ADARB2: variants seen among roughly 807,000 people sequenced by gnomAD.
ADARB2 encodes inactive double-stranded RNA-specific editase B2.
ADARB2 carries 25 observed loss-of-function variants against 62.2 expected under a neutral mutation model. The ratio of observed to expected loss-of-function variants is 0.40; its 90% CI spans 0.29 to 0.56. The LOEUF (loss-of-function observed/expected upper bound fraction) is 0.56, where lower values mean the gene tolerates loss of function less well. Among genes scored for constraint, ADARB2 ranks in the 20% least tolerant of loss-of-function variants. ADARB2 has a pLI of 0.43. For missense variants in ADARB2, 1,071 were observed against 1,077.4 expected (o/e 0.99, Z 0.08); for synonymous variants, 572 against 500.8 (o/e 1.14, Z -1.90).
At chr10:1,417,786 G>A (rs971101718) in intron 1 of ADARB2, among the ~76,000 whole-genome samples, 6 of 152,224 alleles carry the variant, frequency 3.9e-5, no homozygotes, top group African/African-American at 1.4e-4. Flanking sequence ...CTTAGGGTGT[G>A]CCATGGCTGC....
At chr10:1,447,166 C>T (rs1399761350) in intron 1 of ADARB2, among the ~76,000 whole-genome samples, 1 of 152,140 alleles carries the variant, frequency 6.6e-6, no homozygotes, top group Admixed American at 6.5e-5. Flanking sequence ...TGGGATACTA[C>T]CTACAGCAAC....
chr10:1,347,170 C>T (rs572538975), intron 3 of ADARB2, among the ~76,000 whole-genome samples: 3 of 152,348 alleles, frequency 2.0e-5, no homozygotes, highest in African/African-American at 4.8e-5. Context: ...CAGCCCTCAA[C>T]GTGTTACTCC....
intron 1 of ADARB2, among the ~76,000 whole-genome samples, chr10:1,575,522 C>A (rs1007116679): frequency 6.6e-6 from 1 of 152,122 alleles, no homozygotes; most frequent in African/African-American, 2.4e-5. Flanking sequence ...CCAGCACTGC[C>A]GGGTCAGAGG....
chr10:1,268,336 T>C (rs1831227137), intron 4 of ADARB2, among the ~76,000 whole-genome samples: 1 of 152,122 alleles, frequency 6.6e-6, no homozygotes, highest in Non-Finnish European at 1.5e-5. Flanking sequence ...ACCATATGAC[T>C]GCATTAATTT....
intron 1 of ADARB2, among the ~76,000 whole-genome samples, chr10:1,424,287 C>T (rs915342111): frequency 3.9e-5 from 6 of 152,122 alleles, no homozygotes; most frequent in Non-Finnish European, 8.8e-5. Context: ...GAGTAAGAAG[C>T]GTTTAGGGCT....
At chr10:1,186,175 A>G (rs997309440) in intron 8 of ADARB2, among the ~76,000 whole-genome samples, 3 of 152,250 alleles carry the variant, frequency 2.0e-5, no homozygotes, top group African/African-American at 7.2e-5. Flanking sequence ...GGAAGGCATC[A>G]GAGGAATACA....
intron 1 of ADARB2, among the ~76,000 whole-genome samples, chr10:1,733,900 T>C (rs375897386): frequency 6.6e-6 from 1 of 152,096 alleles, no homozygotes; most frequent in Non-Finnish European, 1.5e-5. Context: ...CGCCTCTGAG[T>C]GAGGCAGGCG....
intron 3 of ADARB2, among the ~76,000 whole-genome samples, chr10:1,328,636 A>G (rs569943083): frequency 1.5e-4 from 23 of 152,258 alleles, no homozygotes; most frequent in Middle Eastern, 3.4e-3. Context: ...GGATTATGCC[A>G]GCGTAAAAAT....
intron 1 of ADARB2, among the ~76,000 whole-genome samples, chr10:1,525,557 T>C (rs772413447): frequency 6.6e-6 from 1 of 152,128 alleles, no homozygotes; most frequent in Non-Finnish European, 1.5e-5. Flanking sequence ...AGCCCGACGC[T>C]GGTGGTCCAC....
chr10:1,491,334 T>G (rs1054654454), intron 1 of ADARB2, among the ~76,000 whole-genome samples: 34 of 152,296 alleles, frequency 2.2e-4, no homozygotes, highest in South Asian at 8.3e-4. Context: ...CCTCCTAAAG[T>G]GCTAGGATTA....
intron 1 of ADARB2, among the ~76,000 whole-genome samples, chr10:1,720,794 G>A (rs191229206): frequency 6.6e-6 from 1 of 152,252 alleles, no homozygotes; most frequent in Non-Finnish European, 1.5e-5. Context: ...GCAAATTTGG[G>A]GGCAGCAACT....
chr10:1,262,287 TATA>T (rs55721350), intron 4 of ADARB2, among the ~76,000 whole-genome samples: 4,720 of 135,728 alleles, frequency 0.035, 221 homozygotes, highest in African/African-American at 0.068. Context: ...AAACTTAAAG[TATA>T]ATAATAATAA....
intron 1 of ADARB2, among the ~76,000 whole-genome samples, chr10:1,668,141 C>T (rs566352075): frequency 6.6e-6 from 1 of 152,194 alleles, no homozygotes; most frequent in Non-Finnish European, 1.5e-5. Context: ...TCCAGGCCCT[C>T]GCCCCACCAC....
intron 1 of ADARB2, among the ~76,000 whole-genome samples, chr10:1,663,592 CTATG>C (rs1286797339): frequency 6.6e-6 from 1 of 151,970 alleles, no homozygotes; most frequent in Admixed American, 6.6e-5. Context: ...TAAGCTTTCT[CTATG>C]TGTCTTCATG....
intron 1 of ADARB2, among the ~76,000 whole-genome samples, chr10:1,440,607 TG>T (rs1830894011): frequency 6.6e-6 from 1 of 152,222 alleles, no homozygotes; most frequent in Non-Finnish European, 1.5e-5. Flanking sequence ...CTAATTTATC[TG>T]TAGCCTGTCC....
intron 3 of ADARB2, among the ~76,000 whole-genome samples, chr10:1,287,944 A>C (rs1329554128): frequency 6.6e-6 from 1 of 152,200 alleles, no homozygotes; most frequent in Non-Finnish European, 1.5e-5. Context: ...TCCTCGTCAG[A>C]CTGGATGCCC....
chr10:1,325,210 C>T (rs1024743224), intron 3 of ADARB2, among the ~76,000 whole-genome samples: 1 of 152,198 alleles, frequency 6.6e-6, no homozygotes, highest in Non-Finnish European at 1.5e-5. Context: ...CCTCCGTGGA[C>T]ACAGAGTCCT....
intron 1 of ADARB2, among the ~76,000 whole-genome samples, chr10:1,556,404 T>C (rs770783882): frequency 2.4e-4 from 37 of 152,120 alleles, no homozygotes; most frequent in Non-Finnish European, 5.1e-4. Flanking sequence ...TTCCCAACTC[T>C]ACCCTGTGCC....
At chr10:1,531,978 A>T (rs1431252776) in intron 1 of ADARB2, among the ~76,000 whole-genome samples, 1 of 152,220 alleles carries the variant, frequency 6.6e-6, no homozygotes, top group Non-Finnish European at 1.5e-5. Context: ...TTGTTTTCAA[A>T]AAAACACCAT....
Sources: allele counts gnomAD v4.1 joint callset (sites outside exome capture counted in the v4.1 genomes callset), GRCh38; gene constraint gnomAD v4.1.1; transcripts MANE v1.5; gene names NCBI Gene and HGNC (gene_info 2026-07-23, HGNC 2026-07-21).